Variants in ERC2 observed in about 807,000 individuals in gnomAD.
ERC2 encodes the protein ELKS/RAB6-interacting/CAST family member 2, also known as ERC protein 2.
Under a neutral mutation model 114.8 loss-of-function variants are expected in ERC2, and 42 were observed. The ratio of observed to expected loss-of-function variants is 0.37; its 90% CI spans 0.29 to 0.47. ERC2 has a LOEUF of 0.47. Ranked by LOEUF, ERC2 falls within the 20% of genes least tolerant of loss-of-function variation. The probability of loss-of-function intolerance (pLI) is 0.99; values close to 1 mark genes in which losing one functional copy is unlikely to be tolerated. For missense variants in ERC2, 939 were observed against 1,150.7 expected (o/e 0.82, Z 2.66); for synonymous variants, 454 against 425.5 (o/e 1.07, Z -0.82).
chr3:55,921,981 C>T (rs2065458038), intron 13 of ERC2, among the ~76,000 whole-genome samples: 1 of 152,106 alleles, frequency 6.6e-6, no homozygotes, highest in Admixed American at 6.6e-5. Context: ...ATAATATCAA[C>T]CCAGAGATAC....
chr3:55,760,931 G>GT (rs2148995260), intron 14 of ERC2, among the ~76,000 whole-genome samples: 1 of 152,292 alleles, frequency 6.6e-6, no homozygotes, highest in Admixed American at 6.5e-5. Flanking sequence ...AAAGAAAATG[G>GT]TAAGATGCAA....
At chr3:56,152,194 A>G (rs992967699) in intron 4 of ERC2, among the ~76,000 whole-genome samples, 2 of 152,144 alleles carry the variant, frequency 1.3e-5, no homozygotes, top group Admixed American at 1.3e-4. Flanking sequence ...GGAATTTTCA[A>G]TGCGCATTAA....
intron 13 of ERC2, among the ~76,000 whole-genome samples, chr3:55,912,779 TA>T: frequency 6.6e-6 from 1 of 152,014 alleles, no homozygotes; most frequent in East Asian, 1.9e-4. Flanking sequence ...ATTATAAAAA[TA>T]ATGCATATTT....
intron 6 of ERC2, among the ~76,000 whole-genome samples, chr3:56,133,386 G>A (rs572961437): frequency 3.3e-5 from 5 of 152,194 alleles, no homozygotes; most frequent in East Asian, 3.9e-4. Context: ...GCAGTGAGCC[G>A]AGATCATGCC....
intron 3 of ERC2, among the ~76,000 whole-genome samples, chr3:56,275,902 G>A (rs1209832518): frequency 6.6e-6 from 1 of 152,146 alleles, no homozygotes; most frequent in Non-Finnish European, 1.5e-5. Context: ...CCTACATGAG[G>A]ACAAGCCCCC....
At chr3:56,220,314 C>T (rs1439066333) in intron 3 of ERC2, among the ~76,000 whole-genome samples, 1 of 152,134 alleles carries the variant, frequency 6.6e-6, no homozygotes, top group Non-Finnish European at 1.5e-5. Flanking sequence ...CCATGAAATG[C>T]TTTATTAAAA....
At chr3:55,832,224 G>A (rs2060635698) in intron 14 of ERC2, among the ~76,000 whole-genome samples, 1 of 152,214 alleles carries the variant, frequency 6.6e-6, no homozygotes, top group Non-Finnish European at 1.5e-5. Context: ...AGACTTAAAT[G>A]TCCCTGTCTG....
intron 16 of ERC2, among the ~76,000 whole-genome samples, chr3:55,688,839 T>A (rs1470367594): frequency 6.6e-6 from 1 of 152,226 alleles, no homozygotes; most frequent in Non-Finnish European, 1.5e-5. Flanking sequence ...CTGTTTTGAA[T>A]GACTGGATTC....
chr3:55,678,640 AC>A (rs2061921586), intron 17 of ERC2, among the ~76,000 whole-genome samples: 1 of 152,188 alleles, frequency 6.6e-6, no homozygotes, highest in Non-Finnish European at 1.5e-5. Context: ...CCTGCACATT[AC>A]TGCAATAAGA....
chr3:55,903,689 C>G (rs1237887190), intron 13 of ERC2, among the ~76,000 whole-genome samples: 1 of 152,184 alleles, frequency 6.6e-6, no homozygotes, highest in Non-Finnish European at 1.5e-5. Flanking sequence ...TCTATCTGGG[C>G]AATAGTTCCT....
intron 2 of ERC2, among the ~76,000 whole-genome samples, chr3:56,409,445 T>C (rs1307772088): frequency 2.6e-5 from 4 of 151,420 alleles, no homozygotes; most frequent in Non-Finnish European, 4.4e-5. Flanking sequence ...AATTAAAATT[T>C]ATGCTTTAAC....
chr3:56,346,485 A>C lies in ERC2; in HGVS notation c.658-50050T>G, dbSNP rs989526721. On this transcript the variant is annotated intron_variant, in intron 2 of 17. Transcript: ENST00000288221. The stretch of plus-strand genomic sequence containing the variant: ...AAGGCTGGGTAATTTACAAAGAAAA[A>C]AAGTTTATGTGGCTCTGAAATCAGA... 2.0e-5 allele frequency among the ~76,000 whole-genome samples: 3 copies of C among 152,324 alleles called. No individual in the cohort carries two copies. In the East Asian group the frequency reaches 5.8e-4, roughly 29 times the overall value.
chr3:56,341,921 T>G (rs1358920373), intron 2 of ERC2, among the ~76,000 whole-genome samples: 1 of 152,206 alleles, frequency 6.6e-6, no homozygotes, highest in Non-Finnish European at 1.5e-5. Flanking sequence ...AGGTATTTTC[T>G]GTAGCCCATG....
intron 2 of ERC2, among the ~76,000 whole-genome samples, chr3:56,371,857 C>A (rs922241191): frequency 1.3e-5 from 2 of 152,278 alleles, no homozygotes; most frequent in African/African-American, 4.8e-5. Context: ...TAGCCAGGCT[C>A]ATCCTCATAT....
chr3:55,647,251 T>C (rs2060435006), intron 17 of ERC2: 1 of 152,176 alleles, frequency 6.6e-6, no homozygotes, highest in African/African-American at 2.4e-5. Flanking sequence ...CTACAAAGTC[T>C]ACACTCGCCT....
intron 2 of ERC2, among the ~76,000 whole-genome samples, chr3:56,370,587 G>GTTTTTTTTTTTTTTT (rs1404693067): frequency 7.2e-6 from 1 of 138,398 alleles, no homozygotes; most frequent in Non-Finnish European, 1.6e-5. Flanking sequence ...TTTGGTGGGG[G>GTTTTTTTTTTTTTTT]TTTTTTTGTT....
intron 15 of ERC2, among the ~76,000 whole-genome samples, chr3:55,703,422 C>A (rs2063326888): frequency 6.6e-6 from 1 of 152,314 alleles, no homozygotes; most frequent in African/African-American, 2.4e-5. Flanking sequence ...AGCTTCAATG[C>A]CATCATCTCC....
At chr3:55,768,912 T>G (rs1359669725) in intron 14 of ERC2, among the ~76,000 whole-genome samples, 1 of 152,208 alleles carries the variant, frequency 6.6e-6, no homozygotes, top group East Asian at 1.9e-4. Flanking sequence ...ACTCATACCC[T>G]AAGATTATCC....
chr3:56,085,904 G>A (rs575835275), intron 6 of ERC2, among the ~76,000 whole-genome samples: 15 of 152,134 alleles, frequency 9.9e-5, no homozygotes, highest in Admixed American at 7.9e-4. Flanking sequence ...TATCAAAGCT[G>A]GATGGTCTAT....
Sources: allele counts gnomAD v4.1 joint callset (sites outside exome capture counted in the v4.1 genomes callset), GRCh38; gene constraint gnomAD v4.1.1; transcripts MANE v1.5; gene names NCBI Gene and HGNC (gene_info 2026-07-23, HGNC 2026-07-21).